Variants in MGMT observed in about 807,000 individuals in gnomAD.
MGMT encodes the protein methylated-DNA--protein-cysteine methyltransferase.
In MGMT, 14 loss-of-function variants were observed where a neutral mutation model predicts 15.9. The ratio of observed to expected loss-of-function variants is 0.88; its 90% CI spans 0.58 to 1.37. The LOEUF (loss-of-function observed/expected upper bound fraction) is 1.37. Ranked by LOEUF, MGMT falls within the 40% of genes most tolerant of loss-of-function variation. MGMT has a pLI of 0.00. For synonymous variants in MGMT, 130 were observed against 118.2 expected (o/e 1.10, Z -0.65); for missense variants, 282 against 268.1 (o/e 1.05, Z -0.36).
At chr10:129,754,394 G>A (rs1018519770) in intron 3 of MGMT, among the ~76,000 whole-genome samples, 4 of 152,250 alleles carry the variant, frequency 2.6e-5, no homozygotes, top group South Asian at 4.2e-4. Context: ...CCACCTCTTA[G>A]GGGGAGCACA....
chr10:129,623,139 A>G (rs1279694158), intron 2 of MGMT, among the ~76,000 whole-genome samples: 2 of 151,840 alleles, frequency 1.3e-5, no homozygotes, highest in African/African-American at 4.8e-5. Flanking sequence ...TGCATAACTG[A>G]TTAGTGCCTT....
intron 2 of MGMT, among the ~76,000 whole-genome samples, chr10:129,562,908 G>A (rs540286200): frequency 6.6e-6 from 1 of 152,330 alleles, no homozygotes; most frequent in South Asian, 2.1e-4. Context: ...CAGCGTTTGA[G>A]TTTTCGAGCT....
chr10:129,469,146 G>T (rs1372189394), intron 1 of MGMT, among the ~76,000 whole-genome samples: 4 of 152,072 alleles, frequency 2.6e-5, no homozygotes, highest in African/African-American at 7.2e-5. Context: ...AGGGAAGAAG[G>T]GGGTAGGAAG....
chr10:129,570,474 G>A (rs1193144316), intron 2 of MGMT, among the ~76,000 whole-genome samples: 1 of 152,270 alleles, frequency 6.6e-6, no homozygotes, highest in African/African-American at 2.4e-5. Context: ...CATCCGGAGA[G>A]GGACCTACAA....
At chr10:129,470,467 A>G (rs551383584) in intron 1 of MGMT, among the ~76,000 whole-genome samples, 2 of 152,356 alleles carry the variant, frequency 1.3e-5, no homozygotes, top group Non-Finnish European at 2.9e-5. Context: ...TATGGAATGT[A>G]ATGAATGACT....
intron 3 of MGMT, among the ~76,000 whole-genome samples, chr10:129,713,806 C>G (rs1268270896): frequency 6.6e-6 from 1 of 152,074 alleles, no homozygotes; most frequent in Admixed American, 6.5e-5. Flanking sequence ...CCCTGTGGGT[C>G]CAGAAGACCA....
At chr10:129,561,533 C>A (rs973148093) in intron 2 of MGMT, among the ~76,000 whole-genome samples, 1 of 152,184 alleles carries the variant, frequency 6.6e-6, no homozygotes, top group African/African-American at 2.4e-5. Flanking sequence ...GTTACACCTT[C>A]CCATTCTAAC....
chr10:129,528,063 G>A (rs1845889878), intron 1 of MGMT, among the ~76,000 whole-genome samples: 1 of 151,598 alleles, frequency 6.6e-6, no homozygotes. Flanking sequence ...ATTAATCCTG[G>A]AGTTCTCCTT....
Position 129,727,098 on chromosome 10 carries a change from T to C in MGMT, c.274+19055T>C, listed in dbSNP as rs541298394. ...CATGATGCTATCAAGAGAAGAGCCATGGGTTAGCCAGTCTCCATGTGACAC... is the reference window on the plus strand; with the variant it reads ...CATGATGCTATCAAGAGAAGAGCCACGGGTTAGCCAGTCTCCATGTGACAC... On this transcript the variant is annotated intron_variant, in intron 3 of 4. Transcript: ENST00000651593. Among the ~76,000 whole-genome samples the C allele has an allele frequency of 3.9e-5, 6 of 152,312 alleles. No homozygotes were observed. The East Asian group carries it at 1.2e-3, about 29-fold the overall frequency.
chr10:129,615,720 G>A (rs1589895113), intron 2 of MGMT, among the ~76,000 whole-genome samples: 1 of 152,230 alleles, frequency 6.6e-6, no homozygotes, highest in East Asian at 1.9e-4. Context: ...GTGTCTCTGG[G>A]CACCATATAC....
At chr10:129,591,493 G>T (rs1273545053) in intron 2 of MGMT, among the ~76,000 whole-genome samples, 2 of 152,138 alleles carry the variant, frequency 1.3e-5, no homozygotes, top group East Asian at 3.9e-4. Context: ...CTGTAACAAC[G>T]CCAAGACCTC....
At chr10:129,474,639 A>G (rs1845269536) in intron 1 of MGMT, among the ~76,000 whole-genome samples, 1 of 152,098 alleles carries the variant, frequency 6.6e-6, no homozygotes, top group African/African-American at 2.4e-5. Context: ...GCTCATTACC[A>G]TTGCTCCCAC....
chr10:129,595,670 CT>C (rs1197169361), intron 2 of MGMT, among the ~76,000 whole-genome samples: 2 of 152,150 alleles, frequency 1.3e-5, no homozygotes, highest in Non-Finnish European at 2.9e-5. Flanking sequence ...GTCTGTGTCC[CT>C]CCTTGTGAGT....
intron 3 of MGMT, among the ~76,000 whole-genome samples, chr10:129,730,983 G>T (rs140491752): frequency 6.6e-6 from 1 of 152,152 alleles, no homozygotes; most frequent in Non-Finnish European, 1.5e-5. Flanking sequence ...GTATAAATAC[G>T]CCTCTGGGGG....
intron 2 of MGMT, among the ~76,000 whole-genome samples, chr10:129,594,422 A>G (rs577093835): frequency 2.0e-5 from 3 of 152,252 alleles, no homozygotes; most frequent in Non-Finnish European, 2.9e-5. Flanking sequence ...TTACTAAGGC[A>G]TATTAAAATA....
At chr10:129,581,796 G>A (rs926340801) in intron 2 of MGMT, among the ~76,000 whole-genome samples, 1 of 152,198 alleles carries the variant, frequency 6.6e-6, no homozygotes, top group Non-Finnish European at 1.5e-5. Context: ...ATGCCCAGTG[G>A]CCGTCCCGTC....
intron 1 of MGMT, among the ~76,000 whole-genome samples, chr10:129,478,032 A>C (rs981206831): frequency 6.6e-6 from 1 of 152,234 alleles, no homozygotes; most frequent in Admixed American, 6.5e-5. Context: ...AATAGGGGAC[A>C]GCAGGCAAGA....
At chr10:129,745,324 A>G (rs1240003282) in intron 3 of MGMT, among the ~76,000 whole-genome samples, 1 of 152,006 alleles carries the variant, frequency 6.6e-6, no homozygotes, top group Non-Finnish European at 1.5e-5. Context: ...GTGTTTCTGT[A>G]ACCACCCCCA....
At chr10:129,553,008 G>A (rs2119793081) in intron 2 of MGMT, among the ~76,000 whole-genome samples, 1 of 152,124 alleles carries the variant, frequency 6.6e-6, no homozygotes, top group East Asian at 1.9e-4. Flanking sequence ...TTGTTAATGA[G>A]GGAAAGTGGG....
Sources: allele counts gnomAD v4.1 joint callset (sites outside exome capture counted in the v4.1 genomes callset), GRCh38; gene constraint gnomAD v4.1.1; transcripts MANE v1.5; gene names NCBI Gene and HGNC (gene_info 2026-07-23, HGNC 2026-07-21).